XPR1: variants seen among roughly 807,000 people sequenced by gnomAD.
The protein encoded by XPR1 is xenotropic and polytropic retrovirus receptor 1, also known as solute carrier family 53 member 1.
A neutral mutation model predicts 87.5 loss-of-function variants in XPR1; 28 were observed. That is an observed-to-expected ratio of 0.32 (90% CI 0.24 to 0.44). The LOEUF is 0.44. XPR1 is among the 20% of genes least tolerant of loss of function. The pLI is 1.00. For missense variants in XPR1, 559 were observed against 862.3 expected (o/e 0.65, Z 4.41); for synonymous variants, 300 against 306.1 (o/e 0.98, Z 0.21).
intron 7 of XPR1, among the ~76,000 whole-genome samples, chr1:180,814,101 A>G (rs1650319454): frequency 6.6e-6 from 1 of 152,220 alleles, no homozygotes; most frequent in Non-Finnish European, 1.5e-5. Flanking sequence ...TTACTGAACT[A>G]ATTATTCCTC....
At chr1:180,656,922 T>C (rs1223524883) in intron 1 of XPR1, among the ~76,000 whole-genome samples, 1 of 151,828 alleles carries the variant, frequency 6.6e-6, no homozygotes, top group African/African-American at 2.4e-5. Context: ...CAGACTGTTC[T>C]CCATAGTGGA....
intron 11 of XPR1, among the ~76,000 whole-genome samples, chr1:180,848,419 C>T (rs978013060): frequency 2.0e-5 from 3 of 152,142 alleles, no homozygotes; most frequent in African/African-American, 7.2e-5. Flanking sequence ...TGGTGTTTAA[C>T]TTTCTGTGCC....
At chr1:180,661,790 G>A (rs184606535) in intron 1 of XPR1, among the ~76,000 whole-genome samples, 22 of 152,112 alleles carry the variant, frequency 1.4e-4, no homozygotes, top group Admixed American at 9.2e-4. Context: ...CAGGAGAATC[G>A]CTTGAACCCA....
intron 14 of XPR1, among the ~76,000 whole-genome samples, chr1:180,882,556 A>G (rs896007882): frequency 3.3e-5 from 5 of 152,132 alleles, no homozygotes; most frequent in Middle Eastern, 3.4e-3. Context: ...GGGTCTTACT[A>G]TGTTGCCCAG....
chr1:180,699,209 CTT>C (rs1168669274), intron 2 of XPR1, among the ~76,000 whole-genome samples: 2,008 of 132,554 alleles, frequency 0.015, 31 homozygotes, highest in African/African-American at 0.046. Context: ...TTTATTCTTT[CTT>C]TTTTTTTTTT....
At chr1:180,687,401 A>T (rs1656821536) in intron 2 of XPR1, among the ~76,000 whole-genome samples, 1 of 152,158 alleles carries the variant, frequency 6.6e-6, no homozygotes, top group Non-Finnish European at 1.5e-5. Flanking sequence ...GGGCCATGTT[A>T]TAGGGGAAGT....
At chr1:180,773,476 A>G (rs1356050395) in intron 2 of XPR1, among the ~76,000 whole-genome samples, 1 of 152,380 alleles carries the variant, frequency 6.6e-6, no homozygotes, top group East Asian at 1.9e-4. Context: ...TTTAAGCTAA[A>G]TAATTATATT....
At chr1:180,874,643 C>T (rs1182420221) in intron 13 of XPR1, among the ~76,000 whole-genome samples, 1 of 151,966 alleles carries the variant, frequency 6.6e-6, no homozygotes, top group African/African-American at 2.4e-5. Context: ...TGAGCCAAGA[C>T]TGCACTGTTG....
At chr1:180,806,007 C>T in intron 4 of XPR1, 55 bp from the exon 5 acceptor site, 1 of 1,572,580 alleles carries the variant, frequency 6.4e-7, no homozygotes, top group Non-Finnish European at 8.7e-7. Context: ...TATTCTTTTT[C>T]ATCATTTTTG....
chr1:180,787,249 G>A (rs1571837746), intron 2 of XPR1, among the ~76,000 whole-genome samples: 1 of 151,624 alleles, frequency 6.6e-6, no homozygotes, highest in African/African-American at 2.4e-5. Context: ...TTCACTTAAA[G>A]AAGGTTTGTG....
intron 9 of XPR1, among the ~76,000 whole-genome samples, chr1:180,828,792 A>T (rs868852167): frequency 6.6e-6 from 1 of 152,212 alleles, no homozygotes. Context: ...GAACCCAGGC[A>T]GTCGTTTATA....
intron 1 of XPR1, among the ~76,000 whole-genome samples, chr1:180,649,810 A>G (rs935177825): frequency 6.6e-5 from 10 of 152,266 alleles, no homozygotes; most frequent in African/African-American, 1.9e-4. Flanking sequence ...GCTCCTGGAT[A>G]TAGTATAGCG....
Position 180,870,840 on chromosome 1 carries a change from T to G in XPR1, c.1669-2963T>G, listed in dbSNP as rs1332844052. On this transcript the variant is annotated intron_variant, in intron 12 of 14. Coordinates refer to ENST00000367590, the MANE Select transcript of XPR1 (RefSeq NM_004736.4). ...CATTTAAAGTTAATATTGTTATGTG[T>G]GAATTTGATCCTGTCATTATGATGT... is the stretch of plus-strand genomic sequence containing the variant. Among the ~76,000 whole-genome samples the G allele has an allele frequency of 5.5e-4, 3 of 5,450 alleles. 1 individual carries two copies. 3.6% of individuals were successfully genotyped at this position (5,450 alleles called of 152,430 possible).
chr1:180,746,985 A>G (rs1468357402), intron 2 of XPR1, among the ~76,000 whole-genome samples: 1 of 152,308 alleles, frequency 6.6e-6, no homozygotes, highest in South Asian at 2.1e-4. Context: ...TGTGATTTTT[A>G]TGGTTAATAT....
chr1:180,833,379 T>TAAAGA (rs1358053492), intron 9 of XPR1, among the ~76,000 whole-genome samples: 3 of 152,132 alleles, frequency 2.0e-5, no homozygotes, highest in Non-Finnish European at 4.4e-5. Context: ...AGACATAGAC[T>TAAAGA]GGCAAATTGG....
intron 2 of XPR1, among the ~76,000 whole-genome samples, chr1:180,728,843 A>G (rs1441707901): frequency 6.6e-6 from 1 of 151,948 alleles, no homozygotes; most frequent in African/African-American, 2.4e-5. Flanking sequence ...TGTTAAATTA[A>G]TTTTCAGGTT....
At chr1:180,663,886 C>T (rs1465226444) in intron 1 of XPR1, among the ~76,000 whole-genome samples, 1 of 152,184 alleles carries the variant, frequency 6.6e-6, no homozygotes, top group Non-Finnish European at 1.5e-5. Flanking sequence ...TCCCTTTTCT[C>T]AGGCAGAGGA....
At chr1:180,806,357 C>A in intron 5 of XPR1, 117 bp from the exon 6 acceptor site, 1 of 1,443,754 alleles carries the variant, frequency 6.9e-7, no homozygotes, top group Non-Finnish European at 9.4e-7. Context: ...TTTTCTTTAT[C>A]AGTATATATT....
intron 1 of XPR1, among the ~76,000 whole-genome samples, chr1:180,675,096 G>A (rs537400538): frequency 6.6e-6 from 1 of 152,308 alleles, no homozygotes; most frequent in Non-Finnish European, 1.5e-5. Flanking sequence ...AAACCAAACA[G>A]TATCTGAGAC....
Sources: gnomAD v4.1 joint callset for allele counts (sites outside exome capture counted in the v4.1 genomes callset) on GRCh38, gnomAD v4.1.1 for gene constraint, MANE v1.5 for transcripts, NCBI Gene and HGNC (gene_info 2026-07-23, HGNC 2026-07-21) for gene names.